The following CELSR1 variants were observed in gnomAD, a reference collection of about 807,000 sequenced individuals.
CELSR1 encodes the protein cadherin EGF LAG seven-pass G-type receptor 1.
A neutral mutation model predicts 249.1 loss-of-function variants in CELSR1; 110 were observed. The ratio of observed to expected loss-of-function variants is 0.44; its 90% confidence interval spans 0.38 to 0.52. CELSR1 has a LOEUF of 0.52. Among genes scored for constraint, CELSR1 ranks in the 20% least tolerant of loss-of-function variants. CELSR1 has a pLI of 0.00. For missense variants in CELSR1, 4,109 were observed against 4,296.4 expected (o/e 0.96, Z 1.22); for synonymous variants, 2,113 against 1,900.0 (o/e 1.11, Z -2.92).
At chr22:46,524,143 G>A (rs1019984138) in intron 1 of CELSR1, among the ~76,000 whole-genome samples, 1 of 152,198 alleles carries the variant, frequency 6.6e-6, no homozygotes, top group Non-Finnish European at 1.5e-5. Context: ...CAGAGTCTGC[G>A]CCTGGCTCTT....
At chr22:46,476,820 A>G (rs986897098) in intron 1 of CELSR1, among the ~76,000 whole-genome samples, 2 of 150,256 alleles carry the variant, frequency 1.3e-5, no homozygotes, top group African/African-American at 4.9e-5. Context: ...GGGCTTTCTC[A>G]GGTGATGAGA....
intron 1 of CELSR1, among the ~76,000 whole-genome samples, chr22:46,524,547 T>C (rs370191702): frequency 2.2e-4 from 13 of 59,942 alleles, no homozygotes; most frequent in African/African-American, 9.6e-4. Context: ...TGTGCGTGTG[T>C]GTGTGTGTGT....
At chr22:46,431,869 G>A (rs998372857) in intron 5 of CELSR1, among the ~76,000 whole-genome samples, 1 of 152,182 alleles carries the variant, frequency 6.6e-6, no homozygotes, top group African/African-American at 2.4e-5. Context: ...CACCCCACCA[G>A]CCCCTGCACC....
At chr22:46,476,747 C>T (rs2080212394) in intron 1 of CELSR1, among the ~76,000 whole-genome samples, 2 of 152,148 alleles carry the variant, frequency 1.3e-5, no homozygotes, top group South Asian at 4.1e-4. Context: ...GAGACAGAAG[C>T]CATGCTGGTT....
rs141610673 is a variant in CELSR1 at position 46,423,554 on chromosome 22, G to A, written c.4611+9839C>T. Reference sequence around the variant, plus strand: ...TGGGAGGCAGAGGTTGCGGTGAGCCGAGATCGCGCCTTTACACTCCAGCCT... The same window carrying A: ...TGGGAGGCAGAGGTTGCGGTGAGCCAAGATCGCGCCTTTACACTCCAGCCT... On this transcript the variant is annotated intron_variant, in intron 5 of 34. Coordinates refer to ENST00000674500, the MANE Select transcript of CELSR1 (RefSeq NM_001378328.1). The surrounding 1 kb of genome is among the most constrained non-coding windows in gnomAD (Gnocchi z 5.6). Among the ~76,000 whole-genome samples the A allele has an allele frequency of 0.022, 3,267 of 148,000 alleles. 41 individuals carry two copies. The highest frequency in any genetic ancestry group is 0.031 in the African/African-American group (1,249 of 39,800).
chr22:46,461,325 C>T (rs1231810032), intron 2 of CELSR1, among the ~76,000 whole-genome samples: 3 of 152,170 alleles, frequency 2.0e-5, no homozygotes, highest in Non-Finnish European at 4.4e-5. Context: ...TTGGCCGTTC[C>T]CCAGTCATTA....
chr22:46,490,594 G>A lies in CELSR1; in HGVS notation c.3545-26249C>T, dbSNP rs547833272. 9.9e-5 allele frequency among the ~76,000 whole-genome samples: 15 copies of A among 152,264 alleles called. No individual in the cohort carries two copies. The South Asian group carries it at 3.1e-3, about 32-fold the overall frequency. On this transcript the variant is annotated intron_variant, in intron 1 of 34. Transcript: ENST00000674500. This position sits in a 1 kb window ranked among gnomAD's most constrained non-coding sequence, Gnocchi z 5.2. ...GAAACCCACTTTTCAAGCAGGACCT[G>A]GGAGGGAAATGTTCTAAGCAGAGTG...
Position 46,536,666 on chromosome 22 carries a change from G to A in CELSR1, c.505C>T (p.Arg169Cys), listed in dbSNP as rs1173864858. Residue 169 changes from arginine (R) to cysteine (C), a missense_variant, in exon 1 of 35, where the codon CGT (arginine) becomes TGT (cysteine). This residue lies in a region of CELSR1 where 673 missense variants were observed against 636.8 expected (regional missense o/e 1.06). Transcript: ENST00000674500. ...CCGCCCGGCGGCAGGCAGATGGGAC[G>A]GCCGGGACAGCGGGGCCTGGGGCGC... ...PPRPRPRCPGRPICLPPGGSV... is the reference protein window; with the variant it reads ...PPRPRPRCPGCPICLPPGGSV... 6.0e-6 allele frequency: 7 copies of A among 1,168,996 alleles called. No individual in the cohort carries two copies. Among genetic ancestry groups the A allele is most frequent in the Middle Eastern group, 3.5e-4 (1 of 2,846 alleles). The allele number at this position is 1,168,996 out of a possible 1,614,324, so 72.4% of individuals were successfully genotyped here. A position where few individuals can be genotyped will look rare whatever the true frequency, so the allele number is the denominator to read the frequency against.
In CELSR1 at chr22:46,433,619, G is replaced by A. The variant is rs1307863516; in HGVS notation, c.4523-138C>T. 1 of 623,256 alleles carries A rather than the reference G, an allele frequency of 1.6e-6. No individual in the cohort carries two copies. The highest frequency in any genetic ancestry group is 1.8e-5 in the African/African-American group (1 of 54,470). The allele number at this position is 623,256 out of a possible 1,614,324, so 38.6% of individuals were successfully genotyped here. On this transcript the variant is annotated intron_variant, in intron 4 of 34. Coordinates refer to ENST00000674500, the MANE Select transcript of CELSR1 (RefSeq NM_001378328.1). The surrounding 1 kb of genome is among the most constrained non-coding windows in gnomAD (Gnocchi z 5.7). ...TCCCTCCCCTCCCCACGGCACCATG[G>A]TGGGAGGCGCCCACCACTCCATCCA...
chr22:46,487,768 T>C (rs1207305525), intron 1 of CELSR1, among the ~76,000 whole-genome samples: 1 of 86,980 alleles, frequency 1.1e-5, no homozygotes, highest in Non-Finnish European at 2.3e-5. Context: ...GTGGGAGGTA[T>C]TGGGGAGGGG....
rs543088811 is a variant in CELSR1 at position 46,488,753 on chromosome 22, A to C, written c.3545-24408T>G. On this transcript the variant is annotated intron_variant, in intron 1 of 34. Transcript: ENST00000674500. This position sits in a 1 kb window ranked among gnomAD's most constrained non-coding sequence, Gnocchi z 4.7. ...CGGCTCACTGCAAGCTCCACCTCCCAGGTTCATGCCATTCTCCTGCCTCAG... is the reference window on the plus strand; with the variant it reads ...CGGCTCACTGCAAGCTCCACCTCCCCGGTTCATGCCATTCTCCTGCCTCAG... 9.3e-5 allele frequency among the ~76,000 whole-genome samples: 14 copies of C among 151,090 alleles called. No individual in the cohort carries two copies. Among genetic ancestry groups the C allele is most frequent in the African/African-American group, 3.2e-4 (13 of 41,092 alleles).
chr22:46,388,066 G>A (rs534787194), intron 18 of CELSR1, among the ~76,000 whole-genome samples: 4 of 152,260 alleles, frequency 2.6e-5, no homozygotes, highest in Non-Finnish European at 4.4e-5. Context: ...ACAGAAACCA[G>A]GGCTGAGCAC....
intron 1 of CELSR1, chr22:46,481,334 C>A: frequency 1.5e-6 from 1 of 679,334 alleles, no homozygotes; most frequent in South Asian, 1.9e-5. Flanking sequence ...TTTTATTTCC[C>A]AATGGATGAG....
chr22:46,481,365 G>C (rs901232607), intron 1 of CELSR1: 2 of 854,914 alleles, frequency 2.3e-6, no homozygotes, highest in Non-Finnish European at 3.8e-6. Context: ...TCACCTTCTC[G>C]GTCATAGTTG....
intron 20 of CELSR1, among the ~76,000 whole-genome samples, chr22:46,382,860 CAGAA>C (rs1320146528): frequency 1.3e-5 from 2 of 152,154 alleles, no homozygotes; most frequent in Non-Finnish European, 2.9e-5. Context: ...AATTCAAAGA[CAGAA>C]AGAACGGTAG....
rs568353260 is a variant in CELSR1 at position 46,471,054 on chromosome 22, G to A, written c.3545-6709C>T. On this transcript the variant is annotated intron_variant, in intron 1 of 34. Transcript: ENST00000674500. This position sits in a 1 kb window ranked among gnomAD's most constrained non-coding sequence, Gnocchi z 4.9. ...GCAGGAGAATCGCTTGAACCTGGGAGTCGGAGGTTGCAGTGAGCCAAGATG... is the reference window on the plus strand; with the variant it reads ...GCAGGAGAATCGCTTGAACCTGGGAATCGGAGGTTGCAGTGAGCCAAGATG... Among the ~76,000 whole-genome samples the A allele has an allele frequency of 1.2e-3, 184 of 152,176 alleles. 2 individuals carry two copies. Among genetic ancestry groups the A allele is most frequent in the African/African-American group, 4.3e-3 (177 of 41,506 alleles).
At chr22:46,379,720 G>A (rs761937240) in intron 22 of CELSR1, among the ~76,000 whole-genome samples, 7 of 152,188 alleles carry the variant, frequency 4.6e-5, no homozygotes, top group Admixed American at 1.3e-4. Context: ...CCCCACTCAC[G>A]GCTCCTCACT....
intron 1 of CELSR1, among the ~76,000 whole-genome samples, chr22:46,503,044 C>T (rs6007922): frequency 0.028 from 4,244 of 152,286 alleles, 195 homozygotes; most frequent in African/African-American, 0.097. Context: ...CCCCCTTCTC[C>T]GTGCCCACCC....
intron 2 of CELSR1, among the ~76,000 whole-genome samples, chr22:46,439,948 C>T (rs770114489): frequency 6.6e-6 from 1 of 151,902 alleles, no homozygotes; most frequent in Non-Finnish European, 1.5e-5. Context: ...CTCACACAGA[C>T]CCCTCGCACT....
Sources: allele counts gnomAD v4.1 joint callset (sites outside exome capture counted in the v4.1 genomes callset), GRCh38; gene constraint gnomAD v4.1.1; regional missense constraint gnomAD v4.1.1; non-coding constraint Gnocchi (gnomAD v3.1); transcripts MANE v1.5; gene names NCBI Gene and HGNC (gene_info 2026-07-23, HGNC 2026-07-21).